The following IFNA8 variants were observed in gnomAD, a reference collection of about 807,000 sequenced individuals.
The protein encoded by IFNA8 is interferon alpha 8.
For missense variants in IFNA8, 246 were observed against 212.3 expected (o/e 1.16, Z -0.99); for synonymous variants, 91 against 84.4 (o/e 1.08, Z -0.43).
chr9:21,409,224 C>G, the IFNA8 span: 1 of 1,614,028 alleles, frequency 6.2e-7, no homozygotes, highest in Non-Finnish European at 8.5e-7. Context: ...TGCTCAGCTA[C>G]AAGTCATTCA....
chr9:21,409,529 A>T lies in IFNA8; in HGVS notation c.353A>T (p.Asp118Val). Residue 118 changes from aspartate (D) to valine (V), a missense_variant, in exon 1 of 1, where the codon GAC (aspartate) becomes GTC (valine). Coordinates refer to ENST00000380205, the MANE Select transcript of IFNA8 (RefSeq NM_002170.4). ...ATCGAACTTGACCAGCAGCTGAATG[A>T]CCTGGAGTCCTGTGTGATGCAGGAA... The part of the protein sequence containing the change: ...FYIELDQQLN[D>V]LESCVMQEVG... 1 of 1,613,918 alleles carries T rather than the reference A, an allele frequency of 6.2e-7. No homozygotes were observed. Among genetic ancestry groups the T allele is most frequent in the Non-Finnish European group, 8.5e-7 (1 of 1,179,932 alleles).
Position 21,409,711 on chromosome 9 carries a change from A to G in IFNA8, c.535A>G (p.Ile179Val), listed in dbSNP as rs776226959. 3 of 1,613,708 alleles carry G rather than the reference A, an allele frequency of 1.9e-6. No homozygotes were observed. The highest frequency in any genetic ancestry group is 4.5e-5 in the East Asian group (2 of 44,894). The change falls in exon 1 of 1, where the codon ATC becomes GTC. Residue 179 changes from isoleucine (I) to valine (V), a missense_variant. Physicochemically the swap from Ile to Val is conservative, Grantham distance 29. Transcript: ENST00000380205. ...AEIMRSFSLS[I>V]NLQKRLKSKE is the part of the protein sequence containing the mutation. ...AATCATGAGATCCTTCTCTTTATCA[A>G]TCAACTTGCAAAAAAGATTGAAGAG...
At position 21,409,959 on chromosome 9, in the gene IFNA8, C is replaced by G; in HGVS notation, c.*213C>G. On this transcript the variant is annotated 3_prime_UTR_variant, in exon 1 of 1. Transcript: ENST00000380205. ...TGACCATGCTGATGGATCTATTCAT[C>G]TATTTATTTAAATCTTTATTTAGTT... 4.6e-6 allele frequency: 2 copies of G among 438,962 alleles called. No homozygotes were observed. Among genetic ancestry groups the G allele is most frequent in the East Asian group, 4.8e-5 (1 of 20,684 alleles). The allele number at this position is 438,962 out of a possible 1,614,324, so 27.2% of individuals were successfully genotyped here.
Position 21,409,380 on chromosome 9 carries a change from T to G in IFNA8, c.204T>G (p.Asp68Glu). Reference sequence around the variant, plus strand: ...AATTCCCCCAGGAGGAGTTTGATGATAAACAGTTCCAGAAGGCTCAAGCCA... The same window carrying G: ...AATTCCCCCAGGAGGAGTTTGATGAGAAACAGTTCCAGAAGGCTCAAGCCA... Reference protein sequence around the residue: ...DFEFPQEEFDDKQFQKAQAIS... With the variant: ...DFEFPQEEFDEKQFQKAQAIS... Residue 68 changes from aspartate (D) to glutamate (E), a missense_variant, in exon 1 of 1, where the codon GAT (aspartate) becomes GAG (glutamate). Transcript: ENST00000380205. 2 of 1,614,042 alleles carry G rather than the reference T, an allele frequency of 1.2e-6. No homozygotes were observed. The highest frequency in any genetic ancestry group is 1.7e-6 in the Non-Finnish European group (2 of 1,179,984).
In IFNA8 at chr9:21,409,779, A is replaced by G; in HGVS notation, c.*33A>G. 6.4e-7 allele frequency: 1 copy of G among 1,574,794 alleles called. No individual in the cohort carries two copies. The highest frequency in any genetic ancestry group is 1.1e-5 in the South Asian group (1 of 89,650). Reference sequence around the variant, plus strand: ...TACAACACGGAAATGATTCTTATAGACTAATACAGCAGCTCACACTTCGAC... The same window carrying G: ...TACAACACGGAAATGATTCTTATAGGCTAATACAGCAGCTCACACTTCGAC... On this transcript the variant is annotated 3_prime_UTR_variant, in exon 1 of 1. Coordinates refer to ENST00000380205, the MANE Select transcript of IFNA8 (RefSeq NM_002170.4).
rs574536008 is a variant in IFNA8, at chr9:21,410,073, A to G, written c.*327A>G. The stretch of plus-strand genomic sequence containing the variant: ...ATTGTGTAACAAAAACATGTTCTTT[A>G]TATTTATTATTTTGCCTTGTTTATT... On this transcript the variant is annotated 3_prime_UTR_variant, in exon 1 of 1. Coordinates refer to ENST00000380205, the MANE Select transcript of IFNA8 (RefSeq NM_002170.4). The G allele has an allele frequency of 1.3e-4, 25 of 187,608 alleles. No homozygotes were observed. Among genetic ancestry groups the G allele is most frequent in the Non-Finnish European group, 2.9e-4 (24 of 81,618 alleles). The allele number at this position is 187,608 out of a possible 1,614,324, so 11.6% of individuals were successfully genotyped here. A position where few individuals can be genotyped will look rare whatever the true frequency, so the allele number is the denominator to read the frequency against.
chr9:21,409,511 T>C lies in IFNA8; in HGVS notation c.335T>C (p.Leu112Pro), dbSNP rs147495176. ...ETLLDEFYIE[L>P]DQQLNDLESC... ...CTTCTAGATGAATTCTACATCGAAC[T>C]TGACCAGCAGCTGAATGACCTGGAG... is the stretch of plus-strand genomic sequence containing the variant. The change falls in exon 1 of 1, where the codon CTT becomes CCT. Residue 112 changes from leucine to proline, a missense_variant. By Grantham distance (98) the Leu-to-Pro change is moderately conservative. Coordinates refer to ENST00000380205, the MANE Select transcript of IFNA8 (RefSeq NM_002170.4). The C allele has an allele frequency of 2.1e-5, 34 of 1,613,936 alleles. No homozygotes were observed. The highest frequency in any genetic ancestry group is 2.8e-5 in the Non-Finnish European group (33 of 1,179,964).
rs777510743 is a variant in IFNA8 at position 21,409,276 on chromosome 9, A to G, written c.100A>G (p.Asn34Asp). 38 of 1,613,908 alleles carry G rather than the reference A, an allele frequency of 2.4e-5. No homozygotes were observed. Among genetic ancestry groups the G allele is most frequent in the Middle Eastern group, 1.6e-4 (1 of 6,084 alleles). The change falls in exon 1 of 1, where the codon AAC becomes GAC. Residue 34 changes from asparagine (N) to aspartate (D), a missense_variant. Physicochemically the swap from Asn to Asp is conservative, Grantham distance 23 (BLOSUM62 1). Transcript: ENST00000380205. The part of the protein sequence containing the change: ...CDLPQTHSLG[N>D]RRALILLAQM... ...TCTGCCTCAGACTCACAGCCTGGGTAACAGGAGGGCCTTGATACTCCTGGC... is the reference window on the plus strand; with the variant it reads ...TCTGCCTCAGACTCACAGCCTGGGTGACAGGAGGGCCTTGATACTCCTGGC...
Position 21,409,504 on chromosome 9 carries a change from A to G in IFNA8, c.328A>G (p.Ile110Val), listed in dbSNP as rs2133073782. 4 of 1,614,046 alleles carry G rather than the reference A, an allele frequency of 2.5e-6. No homozygotes were observed. In the South Asian group the frequency reaches 3.3e-5, roughly 13 times the overall value. The change falls in exon 1 of 1, where the codon ATC (isoleucine) becomes GTC (valine). Residue 110 changes from isoleucine to valine, a missense_variant. Ile to Val is a conservative substitution (Grantham distance 29). Transcript: ENST00000380205. ...TGAGACCCTTCTAGATGAATTCTACATCGAACTTGACCAGCAGCTGAATGA... is the reference window on the plus strand; with the variant it reads ...TGAGACCCTTCTAGATGAATTCTACGTCGAACTTGACCAGCAGCTGAATGA... ...LDETLLDEFY[I>V]ELDQQLNDLE...
chr9:21,409,169 C>T lies in IFNA8; in HGVS notation c.-8C>T. The T allele has an allele frequency of 6.2e-7, 1 of 1,613,098 alleles. No individual in the cohort carries two copies. Among genetic ancestry groups the T allele is most frequent in the African/African-American group, 1.3e-5 (1 of 75,002 alleles). The stretch of plus-strand genomic sequence containing the variant: ...TGAACCAGCTCAGCAGCATCCACAA[C>T]ATCTACAATGGCCTTGACTTTTTAT... On this transcript the variant is annotated 5_prime_UTR_variant, in exon 1 of 1. Coordinates refer to ENST00000380205, the MANE Select transcript of IFNA8 (RefSeq NM_002170.4).
rs1818011962 is a variant in IFNA8 at position 21,409,325 on chromosome 9, T to C, written c.149T>C (p.Phe50Ser). 6.2e-7 allele frequency: 1 copy of C among 1,613,862 alleles called. No homozygotes were observed. The highest frequency in any genetic ancestry group is 8.5e-7 in the Non-Finnish European group (1 of 1,179,952). The change falls in exon 1 of 1, where the codon TTC (phenylalanine) becomes TCC (serine). Residue 50 changes from phenylalanine to serine, a missense_variant. Coordinates refer to ENST00000380205, the MANE Select transcript of IFNA8 (RefSeq NM_002170.4). ...GCACAAATGCGAAGAATCTCTCCTT[T>C]CTCCTGCCTGAAGGACAGACATGAC... ...LLAQMRRISPFSCLKDRHDFE... is the reference protein window; with the variant it reads ...LLAQMRRISPSSCLKDRHDFE...
Position 21,409,661 on chromosome 9 carries a change from G to C in IFNA8, c.485G>C (p.Cys162Ser), listed in dbSNP as rs1380186955. ...CTGACAGAGAAGAAATACAGCTCTT[G>C]TGCCTGGGAGGTTGTCAGAGCAGAA... ...LYLTEKKYSS[C>S]AWEVVRAEIM... Residue 162 changes from cysteine (C) to serine (S), a missense_variant, in exon 1 of 1, where the codon TGT (cysteine) becomes TCT (serine). Coordinates refer to ENST00000380205, the MANE Select transcript of IFNA8 (RefSeq NM_002170.4). The C allele has an allele frequency of 2.5e-6, 4 of 1,613,946 alleles. No individual in the cohort carries two copies. Among genetic ancestry groups the C allele is most frequent in the Non-Finnish European group, 3.4e-6 (4 of 1,179,832 alleles).
chr9:21,409,316 T>G lies in IFNA8; in HGVS notation c.140T>G (p.Ile47Ser). The G allele has an allele frequency of 6.2e-7, 1 of 1,614,034 alleles. No homozygotes were observed. The highest frequency in any genetic ancestry group is 8.5e-7 in the Non-Finnish European group (1 of 1,179,956). The change falls in exon 1 of 1, where the codon ATC becomes AGC. Residue 47 changes from isoleucine to serine, a missense_variant. Ile to Ser is a moderately radical substitution (Grantham distance 142, BLOSUM62 -2). Coordinates refer to ENST00000380205, the MANE Select transcript of IFNA8 (RefSeq NM_002170.4). ...ALILLAQMRR[I>S]SPFSCLKDRH... Reference sequence around the variant, plus strand: ...ATACTCCTGGCACAAATGCGAAGAATCTCTCCTTTCTCCTGCCTGAAGGAC... The same window carrying G: ...ATACTCCTGGCACAAATGCGAAGAAGCTCTCCTTTCTCCTGCCTGAAGGAC...
Position 21,409,935 on chromosome 9 carries a change from G to T in IFNA8, c.*189G>T, listed in dbSNP as rs1818023078. The T allele has an allele frequency of 1.9e-6, 1 of 530,642 alleles. No homozygotes were observed. The highest frequency in any genetic ancestry group is 3.5e-6 in the Non-Finnish European group (1 of 289,012). The allele number at this position is 530,642 out of a possible 1,614,324, so 32.9% of individuals were successfully genotyped here. A position where few individuals can be genotyped will look rare whatever the true frequency, so the allele number is the denominator to read the frequency against. On this transcript the variant is annotated 3_prime_UTR_variant, in exon 1 of 1. Transcript: ENST00000380205. ...GTATGGGCACTAGTCCCTTACAGAT[G>T]ACCATGCTGATGGATCTATTCATCT...
Position 21,409,736 on chromosome 9 carries a change from G to T in IFNA8, c.560G>T (p.Ser187Ile). The T allele has an allele frequency of 6.2e-7, 1 of 1,613,210 alleles. No individual in the cohort carries two copies. The highest frequency in any genetic ancestry group is 8.5e-7 in the Non-Finnish European group (1 of 1,179,226). Residue 187 changes from serine (S) to isoleucine (I), a missense_variant, in exon 1 of 1, where the codon AGT (serine) becomes ATT (isoleucine). Ser to Ile is a moderately radical substitution (Grantham distance 142). Transcript: ENST00000380205. ...ATCAACTTGCAAAAAAGATTGAAGA[G>T]TAAGGAATGAGACCTGGTACAACAC... is the stretch of plus-strand genomic sequence containing the variant. ...LSINLQKRLK[S>I]KE
rs201661816 is a variant in IFNA8 at position 21,409,555 on chromosome 9, G to T, written c.379G>T (p.Val127Leu). Residue 127 changes from valine (V) to leucine (L), a missense_variant, in exon 1 of 1, where the codon GTG becomes TTG. By Grantham distance (32) the Val-to-Leu change is conservative. Transcript: ENST00000380205. ...CCTGGAGTCCTGTGTGATGCAGGAA[G>T]TGGGGGTGATAGAGTCTCCCCTGAT... is the stretch of plus-strand genomic sequence containing the variant. ...NDLESCVMQEVGVIESPLMYE... is the reference protein window; with the variant it reads ...NDLESCVMQELGVIESPLMYE... 4.3e-6 allele frequency: 7 copies of T among 1,614,066 alleles called. No individual in the cohort carries two copies. The highest frequency in any genetic ancestry group is 5.9e-6 in the Non-Finnish European group (7 of 1,179,950).
In IFNA8 at chr9:21,409,881, A is replaced by G. The variant is rs889971092; in HGVS notation, c.*135A>G. ...TGAATCAAATGTGTCAAGTGTTTTC[A>G]GGAGTGTTAAGCAACATCCTGTTCA... On this transcript the variant is annotated 3_prime_UTR_variant, in exon 1 of 1. Transcript: ENST00000380205. 7.6e-6 allele frequency: 6 copies of G among 789,538 alleles called. No homozygotes were observed. Among genetic ancestry groups the G allele is most frequent in the African/African-American group, 1.8e-5 (1 of 57,110 alleles). 48.9% of individuals were successfully genotyped at this position (789,538 alleles called of 1,614,324 possible).
chr9:21,409,802 G>C lies in IFNA8; in HGVS notation c.*56G>C. The C allele has an allele frequency of 6.8e-7, 1 of 1,469,828 alleles. No homozygotes were observed. The highest frequency in any genetic ancestry group is 9.4e-7 in the Non-Finnish European group (1 of 1,058,560). 91.0% of individuals were successfully genotyped at this position (1,469,828 alleles called of 1,614,324 possible). A position where few individuals can be genotyped will look rare whatever the true frequency, so the allele number is the denominator to read the frequency against. ...AGACTAATACAGCAGCTCACACTTC[G>C]ACAAGTTGTGCTCTTTCAAAGACCC... On this transcript the variant is annotated 3_prime_UTR_variant, in exon 1 of 1. Coordinates refer to ENST00000380205, the MANE Select transcript of IFNA8 (RefSeq NM_002170.4).
chr9:21,409,584 C>A, the IFNA8 span: 1 of 1,613,938 alleles, frequency 6.2e-7, no homozygotes, highest in Non-Finnish European at 8.5e-7. Context: ...CCCTGATGTA[C>A]GAGGACTCCA....
Sources: gnomAD v4.1 joint callset for allele counts on GRCh38, gnomAD v4.1.1 for gene constraint, MANE v1.5 for transcripts, NCBI Gene and HGNC (gene_info 2026-07-23, HGNC 2026-07-21) for gene names.